The following PPP2R5B variants were observed in gnomAD, a reference collection of about 807,000 sequenced individuals.
PPP2R5B encodes the protein protein phosphatase 2 regulatory subunit B'beta.
Under a neutral mutation model 59.9 loss-of-function variants are expected in PPP2R5B, and 19 were observed. The ratio of observed to expected loss-of-function variants is 0.32; its 90% CI spans 0.22 to 0.47. PPP2R5B has a LOEUF of 0.47. Among genes scored for constraint, PPP2R5B ranks in the 20% least tolerant of loss-of-function variants. The probability of loss-of-function intolerance (pLI) is 1.00; values close to 1 mark genes in which losing one functional copy is unlikely to be tolerated. For missense variants in PPP2R5B, 441 were observed against 640.2 expected (o/e 0.69, Z 3.36); for synonymous variants, 286 against 260.5 (o/e 1.10, Z -0.94).
chr11:64,921,401 G>A (rs540082820), upstream of PPP2R5B, among the ~76,000 whole-genome samples: 8 of 152,284 alleles, frequency 5.3e-5, no homozygotes, highest in East Asian at 1.4e-3. Context: ...GGAGGGCCAG[G>A]CTTTGCCCAG....
upstream of PPP2R5B, chr11:64,923,215 G>A (rs1191869533): frequency 6.6e-6 from 1 of 152,432 alleles, no homozygotes; most frequent in Non-Finnish European, 1.5e-5. Flanking sequence ...TGTGGAGATG[G>A]GCTGTAGCCA....
At chr11:64,923,944 C>A (rs1010331508), upstream of PPP2R5B, among the ~76,000 whole-genome samples, 3 of 152,170 alleles carry the variant, frequency 2.0e-5, no homozygotes, top group African/African-American at 7.2e-5. Flanking sequence ...TGCATGCCAG[C>A]AGCAGGATTT....
rs1299833605 is a variant in PPP2R5B, at chr11:64,933,095, G to A, written c.1245-50G>A. On this transcript the variant is annotated intron_variant, in intron 12 of 13. Coordinates refer to ENST00000164133, the MANE Select transcript of PPP2R5B (RefSeq NM_006244.4). Reference sequence around the variant, plus strand: ...GTGAAGGGCAGGGAAAGGGAGAGGTGGGCAAACCAAAGCTGTTTCATCTCC... The same window carrying A: ...GTGAAGGGCAGGGAAAGGGAGAGGTAGGCAAACCAAAGCTGTTTCATCTCC... 5 of 1,537,600 alleles carry A rather than the reference G, an allele frequency of 3.3e-6. No homozygotes were observed. The South Asian group carries it at 4.5e-5, about 14-fold the overall frequency.
Position 64,931,511 on chromosome 11 carries a change from G to A in PPP2R5B, c.945+22G>A. On this transcript the variant is annotated intron_variant, in intron 9 of 13. Transcript: ENST00000164133. The surrounding 1 kb of genome is among the most constrained non-coding windows in gnomAD (Gnocchi z 5.0). ...GCACGTGAGTACCTCTGGGGGCTAAGGCAGCCTCTCACCTCTGCAGGCGTG... is the reference window on the plus strand; with the variant it reads ...GCACGTGAGTACCTCTGGGGGCTAAAGCAGCCTCTCACCTCTGCAGGCGTG... 1 of 1,614,102 alleles carries A rather than the reference G, an allele frequency of 6.2e-7. No homozygotes were observed. Among genetic ancestry groups the A allele is most frequent in the Non-Finnish European group, 8.5e-7 (1 of 1,180,000 alleles).
Position 64,934,040 on chromosome 11 carries a change from C to T in PPP2R5B, c.*196C>T. The T allele has an allele frequency of 1.6e-6, 1 of 620,378 alleles. No homozygotes were observed. Among genetic ancestry groups the T allele is most frequent in the African/African-American group, 1.9e-5 (1 of 52,610 alleles). The allele number at this position is 620,378 out of a possible 1,614,324, so 38.4% of individuals were successfully genotyped here. A position where few individuals can be genotyped will look rare whatever the true frequency, so the allele number is the denominator to read the frequency against. On this transcript the variant is annotated 3_prime_UTR_variant, in exon 14 of 14. Transcript: ENST00000164133. Reference sequence around the variant, plus strand: ...GTGGTCTTGGCAACAGAATGCTCAGCCCCTCGTGGCAGGACTTGACAAGGG... The same window carrying T: ...GTGGTCTTGGCAACAGAATGCTCAGTCCCTCGTGGCAGGACTTGACAAGGG...
chr11:64,933,301 C>G, intron 13 of PPP2R5B, 55 bp downstream of exon 13: 1 of 1,453,814 alleles, frequency 6.9e-7, no homozygotes, highest in South Asian at 1.1e-5. Context: ...AGGAGTCAGA[C>G]CCCCATGGCT....
rs1303946099 is a variant in PPP2R5B, at chr11:64,931,681, T to G, written c.997-68T>G. ...TCGGCCTCTAGAAGGCAGTCAGGTG[T>G]GTGTATGTGTAGGGGGAGATGTGAG... On this transcript the variant is annotated intron_variant, in intron 10 of 13. Transcript: ENST00000164133. The surrounding 1 kb of genome is among the most constrained non-coding windows in gnomAD (Gnocchi z 5.0). 1 of 1,613,690 alleles carries G rather than the reference T, an allele frequency of 6.2e-7. No individual in the cohort carries two copies. The highest frequency in any genetic ancestry group is 1.3e-5 in the African/African-American group (1 of 74,856).
rs1297896909 is a variant in PPP2R5B at position 64,928,175 on chromosome 11, A to G, written c.591+17A>G. 1.9e-6 allele frequency: 3 copies of G among 1,614,070 alleles called. No homozygotes were observed. Among genetic ancestry groups the G allele is most frequent in the East Asian group, 4.5e-5 (2 of 44,894 alleles). Reference sequence around the variant, plus strand: ...GTCCTGATGGTGAAGTGGGGAGCCCAGGCTGGGTGGTACCACAAGGCAGGG... The same window carrying G: ...GTCCTGATGGTGAAGTGGGGAGCCCGGGCTGGGTGGTACCACAAGGCAGGG... On this transcript the variant is annotated intron_variant, in intron 5 of 13. Transcript: ENST00000164133.
At chr11:64,933,557 G>T (rs2136692094) in intron 13 of PPP2R5B, 140 bp from the exon 14 acceptor site, 1 of 1,121,792 alleles carries the variant, frequency 8.9e-7, no homozygotes, top group East Asian at 2.6e-5. Context: ...TCAGTAGAGG[G>T]TTTTTATGGA....
Position 64,934,249 on chromosome 11 carries a change from T to G in PPP2R5B, c.*405T>G. 4.6e-6 allele frequency: 1 copy of G among 218,902 alleles called. No individual in the cohort carries two copies. 13.6% of individuals were successfully genotyped at this position (218,902 alleles called of 1,614,324 possible). A position where few individuals can be genotyped will look rare whatever the true frequency, so the allele number is the denominator to read the frequency against. The stretch of plus-strand genomic sequence containing the variant: ...CCCACCATGGGGTCCATGGTCTATT[T>G]ATTCTCGCCCAGCTCACCCTCTACA... On this transcript the variant is annotated 3_prime_UTR_variant, in exon 14 of 14. Transcript: ENST00000164133.
chr11:64,933,793 C>T lies in PPP2R5B; in HGVS notation c.1443C>T (p.Ala481=). 1 of 1,553,350 alleles carries T rather than the reference C, an allele frequency of 6.4e-7. No individual in the cohort carries two copies. The highest frequency in any genetic ancestry group is 1.2e-5 in the South Asian group (1 of 84,166). The change falls in exon 14 of 14, where the codon GCC becomes GCT. Residue 481 remains alanine (A), a synonymous_variant. Coordinates refer to ENST00000164133, the MANE Select transcript of PPP2R5B (RefSeq NM_006244.4). ...AGGGGACCCAGGGGGCCAAGGAGGCCCCCCTCCAGCGGCTTACACCCCAGG... is the reference window on the plus strand; with the variant it reads ...AGGGGACCCAGGGGGCCAAGGAGGCTCCCCTCCAGCGGCTTACACCCCAGG... ...RLQGTQGAKE[A]PLQRLTPQVA...
At position 64,925,725 on chromosome 11, in the gene PPP2R5B, C is replaced by T; in HGVS notation, c.-10C>T. The stretch of plus-strand genomic sequence containing the variant: ...GGGGCTCTGAAAGCTTGCCCTGCCG[C>T]CTGACCGCCATGGAGACGAAGCTGC... On this transcript the variant is annotated 5_prime_UTR_variant, in exon 2 of 14. Transcript: ENST00000164133. The surrounding 1 kb of genome is among the most constrained non-coding windows in gnomAD (Gnocchi z 4.6). 1 of 1,580,038 alleles carries T rather than the reference C, an allele frequency of 6.3e-7. No homozygotes were observed. The highest frequency in any genetic ancestry group is 1.1e-5 in the South Asian group (1 of 88,582).
At chr11:64,920,082 C>T (rs1199270751), upstream of PPP2R5B, among the ~76,000 whole-genome samples, 3 of 152,054 alleles carry the variant, frequency 2.0e-5, no homozygotes, top group African/African-American at 4.8e-5. Context: ...CACTGCACTC[C>T]AGCCTGGGTG....
rs1379827597 is a variant in PPP2R5B at position 64,934,010 on chromosome 11, C to CAACAG, written c.*168_*169insCAGAA. The CAACAG allele has an allele frequency of 3.6e-6, 3 of 841,010 alleles. No homozygotes were observed. In the East Asian group the frequency reaches 9.4e-5, roughly 26 times the overall value. The allele number at this position is 841,010 out of a possible 1,614,324, so 52.1% of individuals were successfully genotyped here. ...TTCACTGGGGGGAGACGAGGAGAGG[C>CAACAG]AATGGTGGTCTTGGCAACAGAATGC... On this transcript the variant is annotated 3_prime_UTR_variant, in exon 14 of 14. Transcript: ENST00000164133.
rs1945222641 is a variant in PPP2R5B at position 64,931,043 on chromosome 11, T to A, written c.892-393T>A. Among the ~76,000 whole-genome samples, 1 of 152,002 alleles carries A rather than the reference T, an allele frequency of 6.6e-6. No individual in the cohort carries two copies. Among genetic ancestry groups the A allele is most frequent in the Non-Finnish European group, 1.5e-5 (1 of 67,996 alleles). On this transcript the variant is annotated intron_variant, in intron 8 of 13. Transcript: ENST00000164133. The surrounding 1 kb of genome is among the most constrained non-coding windows in gnomAD (Gnocchi z 5.0). ...TGTATGTGCCACATGCCTGGCTAAT[T>A]AAAAAAAATTTTTTTTTTGTAGAGA...
In PPP2R5B at chr11:64,926,797, C is replaced by T. The variant is rs150907158; in HGVS notation, c.285C>T (p.Ala95=). The change falls in exon 3 of 14, where the codon GCC becomes GCT. Residue 95 remains alanine, a synonymous_variant. Coordinates refer to ENST00000164133, the MANE Select transcript of PPP2R5B (RefSeq NM_006244.4). ...GVMFDFLDCV[A]DLKGKEVKRA... The stretch of plus-strand genomic sequence containing the variant: ...TGTTTGACTTCTTGGACTGTGTGGC[C>T]GACCTCAAGGGGAAGGAGGTGAAGC... The T allele has an allele frequency of 5.3e-5, 85 of 1,614,032 alleles. No homozygotes were observed. Among genetic ancestry groups the T allele is most frequent in the African/African-American group, 1.1e-4 (8 of 74,920 alleles).
chr11:64,919,369 G>C (rs1008129988), intron 1 of PPP2R5B, among the ~76,000 whole-genome samples: 15 of 151,528 alleles, frequency 9.9e-5, no homozygotes, highest in African/African-American at 3.4e-4. Flanking sequence ...GAAACTGCTT[G>C]TGGAAGGAAT....
chr11:64,922,748 G>T (rs138959651), upstream of PPP2R5B, among the ~76,000 whole-genome samples: 1 of 151,630 alleles, frequency 6.6e-6, no homozygotes. Context: ...GGTGGTGGGC[G>T]CCTGAAGTCC....
chr11:64,930,007 C>A (rs995795185), intron 6 of PPP2R5B, among the ~76,000 whole-genome samples: 1 of 152,176 alleles, frequency 6.6e-6, no homozygotes, highest in African/African-American at 2.4e-5. Context: ...GCCCCATCTC[C>A]CTGGATAATT....
Sources: gnomAD v4.1 joint callset for allele counts (sites outside exome capture counted in the v4.1 genomes callset) on GRCh38, gnomAD v4.1.1 for gene constraint, Gnocchi (gnomAD v3.1) non-coding constraint, MANE v1.5 for transcripts, NCBI Gene and HGNC (gene_info 2026-07-23, HGNC 2026-07-21) for gene names.